DMD: variants seen among roughly 807,000 people sequenced by gnomAD.
The protein encoded by DMD is dystrophin, also known as mutant dystrophin.
In DMD, 63 loss-of-function variants were observed where a neutral mutation model predicts 330.1. That is an observed-to-expected ratio of 0.19 (90% confidence interval 0.16 to 0.24). The LOEUF is 0.24. DMD is among the 10% of genes least tolerant of loss of function. The pLI is 1.00. For synonymous variants in DMD, 1,223 were observed against 959.8 expected (o/e 1.27, Z -5.07); for missense variants, 3,344 against 2,684.1 (o/e 1.25, Z -5.43).
chrX:32,830,623 A>C (rs2079079012), intron 4 of DMD, among the ~76,000 whole-genome samples: 1 of 111,771 alleles, frequency 8.9e-6, no homozygotes, highest in Admixed American at 9.5e-5. Flanking sequence ...ATTCTGTGTG[A>C]AAATGTAATA....
chrX:33,211,221 G>T, intron 1 of DMD, 61 bp downstream of exon 1: 1 of 1,168,225 alleles, frequency 8.6e-7, no homozygotes, highest in Non-Finnish European at 1.2e-6. Context: ...TAATTAGTGA[G>T]CTTGTCACAA....
chrX:31,633,839 T>C (rs2079259016), intron 54 of DMD, among the ~76,000 whole-genome samples: 1 of 112,406 alleles, frequency 8.9e-6, no homozygotes, highest in Non-Finnish European at 1.9e-5. Context: ...AGGCTTTTGC[T>C]GGTTTCATTT....
intron 67 of DMD, among the ~76,000 whole-genome samples, chrX:31,194,813 G>A (rs768335045): frequency 3.6e-5 from 4 of 112,081 alleles, no homozygotes; most frequent in Non-Finnish European, 7.5e-5. Flanking sequence ...AATGTCAATA[G>A]TAATGAGTGT....
intron 60 of DMD, among the ~76,000 whole-genome samples, chrX:31,387,329 C>T (rs1363059380): frequency 8.9e-6 from 1 of 111,835 alleles, no homozygotes; most frequent in African/African-American, 3.3e-5. Flanking sequence ...GTCATCTTGG[C>T]CAAGTCTTAA....
At chrX:32,211,149 T>C (rs73458084) in intron 44 of DMD, among the ~76,000 whole-genome samples, 9,178 of 111,813 alleles carry the variant, frequency 0.082, 776 homozygotes, top group African/African-American at 0.26. Context: ...TTCTCCCTTT[T>C]GTTCCTCATC....
chrX:33,241,391 T>C (rs2052584406), intron 1 of DMD, among the ~76,000 whole-genome samples: 2 of 112,176 alleles, frequency 1.8e-5, no homozygotes, highest in African/African-American at 6.5e-5. Flanking sequence ...TTCTGGCCTC[T>C]GTTTTATTCC....
At chrX:31,363,831 C>T (rs2059094792) in intron 60 of DMD, among the ~76,000 whole-genome samples, 1 of 112,478 alleles carries the variant, frequency 8.9e-6, no homozygotes, top group Admixed American at 9.4e-5. Context: ...GTAGCACCTC[C>T]TCACCAGTTG....
chrX:33,192,285 G>A (rs920615777), intron 1 of DMD, among the ~76,000 whole-genome samples: 2 of 111,758 alleles, frequency 1.8e-5, no homozygotes, highest in African/African-American at 6.5e-5. Flanking sequence ...GAATGTGAAA[G>A]TATTCCCATT....
At chrX:31,513,297 T>C (rs2071837240) in intron 55 of DMD, among the ~76,000 whole-genome samples, 1 of 102,807 alleles carries the variant, frequency 9.7e-6, no homozygotes, top group Admixed American at 1.1e-4. Flanking sequence ...ACAATTTGAC[T>C]TCCTCTTTTC....
intron 9 of DMD, among the ~76,000 whole-genome samples, chrX:32,681,337 T>A (rs1187289469): frequency 1.8e-5 from 2 of 111,564 alleles, no homozygotes; most frequent in Non-Finnish European, 1.9e-5. Context: ...GCCTTATATA[T>A]CCATATTTGT....
At position 32,902,288 on chromosome X, in the gene DMD, C is replaced by T. The variant is rs187009310; in HGVS notation, c.94-52468G>A. On this transcript the variant is annotated intron_variant, in intron 2 of 78. Transcript: ENST00000357033. Reference sequence around the variant, plus strand: ...TCGAGTGGTCACAAGTAAAAATTTACAAAGTGTTTCTATAGTTCCAGCAGA... The same window carrying T: ...TCGAGTGGTCACAAGTAAAAATTTATAAAGTGTTTCTATAGTTCCAGCAGA... Among the ~76,000 whole-genome samples, 3 of 109,144 alleles carry T rather than the reference C, an allele frequency of 2.7e-5. No individual in the cohort carries two copies. The East Asian group carries it at 8.6e-4, about 31-fold the overall frequency. The allele number at this position is 109,144 out of a possible 115,157, so 94.8% of individuals were successfully genotyped here. A position where few individuals can be genotyped will look rare whatever the true frequency, so the allele number is the denominator to read the frequency against.
intron 13 of DMD, among the ~76,000 whole-genome samples, chrX:32,592,006 G>C (rs1385359324): frequency 2.7e-5 from 3 of 112,536 alleles, no homozygotes; most frequent in South Asian, 3.7e-4. Context: ...GCGCCCGTCT[G>C]GACTTTGGGC....
Position 32,374,109 on chromosome X carries a change from A to T in DMD, c.4845+6401T>A, listed in dbSNP as rs1182884977. 9.0e-5 allele frequency among the ~76,000 whole-genome samples: 10 copies of T among 111,107 alleles called. No individual in the cohort carries two copies. The Admixed American group carries it at 9.6e-4, about 11-fold the overall frequency. On this transcript the variant is annotated intron_variant, in intron 34 of 78. Coordinates refer to ENST00000357033, the MANE Select transcript of DMD (RefSeq NM_004006.3). ...TTGGCCGCTTGTATGTCTTCTTTCG[A>T]GGAGTGTCTATTCACGTTCTTTGTC...
At chrX:31,515,474 T>G (rs1032917118) in intron 55 of DMD, among the ~76,000 whole-genome samples, 3 of 112,233 alleles carry the variant, frequency 2.7e-5, no homozygotes, top group African/African-American at 9.7e-5. Context: ...GCAGTTAGTA[T>G]ATGAATAATT....
In DMD at chrX:32,713,747, G is replaced by A. The variant is rs146708621; in HGVS notation, c.650-14454C>T. ...TACAAATATAGATACACAGAGAGTCGCATACATACATGTTTGTGGGCATGT... is the reference window on the plus strand; with the variant it reads ...TACAAATATAGATACACAGAGAGTCACATACATACATGTTTGTGGGCATGT... On this transcript the variant is annotated intron_variant, in intron 7 of 78. Coordinates refer to ENST00000357033, the MANE Select transcript of DMD (RefSeq NM_004006.3). Among the ~76,000 whole-genome samples, 729 of 111,488 alleles carry A rather than the reference G, an allele frequency of 6.5e-3. 9 individuals carry two copies. Among genetic ancestry groups the A allele is most frequent in the African/African-American group, 0.023 (700 of 30,696 alleles).
intron 2 of DMD, among the ~76,000 whole-genome samples, chrX:32,990,725 CTGGA>C (rs1569547528): frequency 9.0e-6 from 1 of 111,508 alleles, no homozygotes; most frequent in Non-Finnish European, 1.9e-5. Flanking sequence ...CCCCTCTCAC[CTGGA>C]GAGTTTACTG....
intron 7 of DMD, among the ~76,000 whole-genome samples, chrX:32,804,833 G>A (rs1157075441): frequency 2.7e-5 from 3 of 112,210 alleles, no homozygotes; most frequent in Non-Finnish European, 1.9e-5. Context: ...CAGGCAAATA[G>A]GGTCTAGAGT....
intron 54 of DMD, among the ~76,000 whole-genome samples, chrX:31,632,551 T>G (rs953527868): frequency 8.9e-6 from 1 of 111,870 alleles, no homozygotes; most frequent in African/African-American, 3.2e-5. Context: ...CTCTGAATCT[T>G]TCCTTCCTAG....
At chrX:32,342,014 T>G in intron 41 of DMD, 86 bp downstream of exon 41, 1 of 943,977 alleles carries the variant, frequency 1.1e-6, no homozygotes, top group Non-Finnish European at 1.4e-6. Context: ...ACCCAGATTT[T>G]TTGTCTCTTT....
Sources: allele counts gnomAD v4.1 joint callset (sites outside exome capture counted in the v4.1 genomes callset), GRCh38; gene constraint gnomAD v4.1.1; transcripts MANE v1.5; gene names NCBI Gene and HGNC (gene_info 2026-07-23, HGNC 2026-07-21).